Variants in DIP2A observed in about 807,000 individuals in gnomAD.
DIP2A encodes disco-interacting protein 2 homolog A.
In DIP2A, 85 loss-of-function variants were observed where a neutral mutation model predicts 177.4. That is an observed-to-expected ratio of 0.48 (90% CI 0.40 to 0.57). The LOEUF is 0.57. Among genes scored for constraint, DIP2A ranks in the 20% least tolerant of loss-of-function variants. The pLI is 0.00. For missense variants in DIP2A, 1,791 were observed against 2,100.2 expected (o/e 0.85, Z 2.88); for synonymous variants, 886 against 881.8 (o/e 1.00, Z -0.08).
intron 27 of DIP2A, 29 bp downstream of exon 27, chr21:46,554,725 T>C: frequency 6.4e-7 from 1 of 1,553,688 alleles, no homozygotes; most frequent in Non-Finnish European, 8.7e-7. Flanking sequence ...CGGGTCAGAG[T>C]CTGTGAGTGG....
intron 1 of DIP2A, among the ~76,000 whole-genome samples, chr21:46,471,638 C>T (rs2055392722): frequency 6.6e-6 from 1 of 152,160 alleles, no homozygotes; most frequent in Non-Finnish European, 1.5e-5. Context: ...AGTGAAGACA[C>T]AACACTTAAA....
At chr21:46,579,196 G>A in the DIP2A span, among the ~76,000 whole-genome samples, 1 of 152,124 alleles carries the variant, frequency 6.6e-6, no homozygotes, top group Non-Finnish European at 1.5e-5. Context: ...GAGGGTCTTT[G>A]TATTCAGGAA....
rs970868853 is a variant in DIP2A, at chr21:46,484,824, T to G, written c.159T>G (p.Ile53Met). The G allele has an allele frequency of 6.3e-7, 1 of 1,580,038 alleles. No individual in the cohort carries two copies. Among genetic ancestry groups the G allele is most frequent in the Non-Finnish European group, 8.6e-7 (1 of 1,162,974 alleles). The change falls in exon 2 of 38, where the codon ATT becomes ATG. Residue 53 changes from isoleucine to methionine, a missense_variant. Ile to Met is a conservative substitution (Grantham distance 10). Transcript: ENST00000417564. ...TGCTTGCACGTTATATACCGCTTATTCAAGGTAAGGTCAATACACTCAGGT... is the reference window on the plus strand; with the variant it reads ...TGCTTGCACGTTATATACCGCTTATGCAAGGTAAGGTCAATACACTCAGGT... ...AKLLARYIPL[I>M]QGIDPSLQAE...
chr21:46,467,427 G>C (rs2054938746), intron 1 of DIP2A, among the ~76,000 whole-genome samples: 1 of 152,056 alleles, frequency 6.6e-6, no homozygotes, highest in Admixed American at 6.6e-5. Context: ...GAGTGCAGTG[G>C]TGTGAGGATA....
At position 46,545,964 on chromosome 21, in the gene DIP2A, G is replaced by A. The variant is rs781416361; in HGVS notation, c.2394+3G>A. ...GCCTGCTGGGCTTCATCGGGCCTGT[G>A]AGTATGTCCTCCTGTACCAGCACTG... On this transcript the variant is annotated splice_donor_region_variant and intron_variant, in intron 20 of 37. Transcript: ENST00000417564. 1.1e-5 allele frequency: 18 copies of A among 1,613,982 alleles called. No homozygotes were observed. The highest frequency in any genetic ancestry group is 1.4e-5 in the Non-Finnish European group (17 of 1,179,904).
intron 6 of DIP2A, among the ~76,000 whole-genome samples, chr21:46,504,707 CGAG>C (rs1022391375): frequency 3.9e-5 from 6 of 152,084 alleles, no homozygotes; most frequent in African/African-American, 7.2e-5. Context: ...AGAGGGGAAA[CGAG>C]GAGAGTGGGG....
At chr21:46,552,020 G>A (rs996968712) in intron 25 of DIP2A, 116 bp downstream of exon 25, 1 of 1,225,526 alleles carries the variant, frequency 8.2e-7, no homozygotes, top group Non-Finnish European at 1.2e-6. Context: ...AGAACAGGGT[G>A]CCTGTGGACT....
At chr21:46,478,437 C>A (rs1055226200) in intron 1 of DIP2A, among the ~76,000 whole-genome samples, 32 of 152,218 alleles carry the variant, frequency 2.1e-4, no homozygotes, top group African/African-American at 7.7e-4. Context: ...GTCTCGAACT[C>A]CGGACCTCAG....
At chr21:46,508,571 G>A (rs1414779530) in intron 6 of DIP2A, among the ~76,000 whole-genome samples, 1 of 149,850 alleles carries the variant, frequency 6.7e-6, no homozygotes, top group East Asian at 2.0e-4. Flanking sequence ...TGTTAGCCAG[G>A]ATGGTCTCGA....
Position 46,558,643 on chromosome 21 carries a change from ACTCT to A in DIP2A, c.3969+253_3969+256del, listed in dbSNP as rs1351622952. 7 of 535,666 alleles carry A rather than the reference ACTCT, an allele frequency of 1.3e-5. No homozygotes were observed. In the East Asian group the frequency reaches 1.3e-4, roughly 10 times the overall value. 33.2% of individuals were successfully genotyped at this position (535,666 alleles called of 1,614,324 possible). A position where few individuals can be genotyped will look rare whatever the true frequency, so the allele number is the denominator to read the frequency against. On this transcript the variant is annotated intron_variant, in intron 32 of 37. Coordinates refer to ENST00000417564, the MANE Select transcript of DIP2A (RefSeq NM_015151.4). ...TTGAACAGTGACTAATAACTGTAAG[ACTCT>A]CTAAGTTAGATATAAAACACAGCTA...
chr21:46,477,709 G>A (rs958387534), intron 1 of DIP2A, among the ~76,000 whole-genome samples: 4 of 150,388 alleles, frequency 2.7e-5, no homozygotes, highest in African/African-American at 9.8e-5. Flanking sequence ...GAGTAGCTGG[G>A]ATTACAGGAA....
rs759815071 is a variant in DIP2A at position 46,537,553 on chromosome 21, T to C, written c.1801+14T>C. ...GCTTCTATAAAGGTAACGGATACCA[T>C]GGTCAGGGCCTTCACCCTTCTTTAG... On this transcript the variant is annotated intron_variant, in intron 15 of 37. Coordinates refer to ENST00000417564, the MANE Select transcript of DIP2A (RefSeq NM_015151.4). This position sits in a 1 kb window ranked among gnomAD's most constrained non-coding sequence, Gnocchi z 4.1. 2.5e-6 allele frequency: 4 copies of C among 1,612,604 alleles called. No homozygotes were observed. Among genetic ancestry groups the C allele is most frequent in the Non-Finnish European group, 3.4e-6 (4 of 1,178,760 alleles).
chr21:46,539,466 C>T (rs2059714254), intron 16 of DIP2A: 19 of 315,886 alleles, frequency 6.0e-5, no homozygotes, highest in South Asian at 4.5e-4. Context: ...GCTCAGGTCT[C>T]TGCGTCTCCA....
chr21:46,581,342 T>C, the DIP2A span, among the ~76,000 whole-genome samples: 1 of 152,178 alleles, frequency 6.6e-6, no homozygotes, highest in East Asian at 1.9e-4. Flanking sequence ...TTAACAGCTC[T>C]TGTAATGTTT....
Position 46,563,959 on chromosome 21 carries a change from T to C in DIP2A, c.4164+27T>C. ...TGAGCAGGGGCCCATGGGAGGGGCT[T>C]GAGCTCTCCAGCCTCACCAGCTTCA... On this transcript the variant is annotated intron_variant, in intron 35 of 37. Coordinates refer to ENST00000417564, the MANE Select transcript of DIP2A (RefSeq NM_015151.4). The surrounding 1 kb of genome is among the most constrained non-coding windows in gnomAD (Gnocchi z 4.3). 6.2e-7 allele frequency: 1 copy of C among 1,606,714 alleles called. No individual in the cohort carries two copies. The highest frequency in any genetic ancestry group is 1.7e-5 in the Admixed American group (1 of 58,518).
intron 18 of DIP2A, among the ~76,000 whole-genome samples, chr21:46,544,548 T>C (rs1723000145): frequency 6.6e-6 from 1 of 152,152 alleles, no homozygotes; most frequent in Non-Finnish European, 1.5e-5. Flanking sequence ...TCATAGCCTG[T>C]AGTGTGTGCA....
At chr21:46,514,793 G>A (rs1031942335) in intron 8 of DIP2A, among the ~76,000 whole-genome samples, 1 of 151,406 alleles carries the variant, frequency 6.6e-6, no homozygotes, top group Non-Finnish European at 1.5e-5. Context: ...CTTGTTTGTT[G>A]GTAGAAACTG....
chr21:46,526,378 T>A (rs1358697443), intron 8 of DIP2A, among the ~76,000 whole-genome samples: 1 of 149,190 alleles, frequency 6.7e-6, no homozygotes, highest in African/African-American at 2.5e-5. Context: ...GTGGATACTT[T>A]CATCAAAAAC....
rs1266869520 is a variant in DIP2A at position 46,459,103 on chromosome 21, C to T, written c.-29C>T. On this transcript the variant is annotated 5_prime_UTR_variant, in exon 1 of 38. Coordinates refer to ENST00000417564, the MANE Select transcript of DIP2A (RefSeq NM_015151.4). ...GCCGCCAGGCCCGGTCCGGTTCCAG[C>T]CTCTGCCCGGACGCTAGCCGGCCTG... The T allele has an allele frequency of 3.4e-6, 5 of 1,460,320 alleles. No individual in the cohort carries two copies. The highest frequency in any genetic ancestry group is 1.4e-5 in the South Asian group (1 of 72,284). 90.5% of individuals were successfully genotyped at this position (1,460,320 alleles called of 1,614,324 possible).
Sources: gnomAD v4.1 joint callset for allele counts (sites outside exome capture counted in the v4.1 genomes callset) on GRCh38, gnomAD v4.1.1 for gene constraint, Gnocchi (gnomAD v3.1) non-coding constraint, MANE v1.5 for transcripts, NCBI Gene and HGNC (gene_info 2026-07-23, HGNC 2026-07-21) for gene names.